CAB39L: variants seen among roughly 807,000 people sequenced by gnomAD.
CAB39L encodes the protein calcium binding protein 39 like, also known as calcium-binding protein 39-like.
Under a neutral mutation model 39.1 loss-of-function variants are expected in CAB39L, and 23 were observed. The ratio of observed to expected loss-of-function variants is 0.59; its 90% confidence interval spans 0.42 to 0.83. The LOEUF is 0.83. Among genes scored for constraint, CAB39L ranks in the 40% least tolerant of loss-of-function variants. CAB39L has a pLI of 0.00. For synonymous variants in CAB39L, 126 were observed against 137.2 expected (o/e 0.92, Z 0.57); for missense variants, 366 against 391.9 (o/e 0.93, Z 0.56).
chr13:49,355,098 A>G (rs1202003518), intron 6 of CAB39L, among the ~76,000 whole-genome samples: 1 of 152,110 alleles, frequency 6.6e-6, no homozygotes, highest in Non-Finnish European at 1.5e-5. Context: ...GAGTTAGGCC[A>G]GGCATAGTGG....
chr13:49,378,628 A>G (rs1434425384), intron 4 of CAB39L, among the ~76,000 whole-genome samples: 1 of 62,840 alleles, frequency 1.6e-5, no homozygotes, highest in Non-Finnish European at 3.1e-5. Context: ...CCCGTCCGGG[A>G]GGTGAGGGGC....
At position 49,313,840 on chromosome 13, in the gene CAB39L, T is replaced by C. The variant is rs796882361; in HGVS notation, c.835-2847A>G. 2.6e-5 allele frequency among the ~76,000 whole-genome samples: 4 copies of C among 152,116 alleles called. No homozygotes were observed. The East Asian group carries it at 5.8e-4, about 22-fold the overall frequency. ...GCCCAACTCTACAGGGAACACACTA[T>C]GAAAGGGCTTAGTTATGGGGCAGTG... On this transcript the variant is annotated intron_variant, in intron 10 of 10. Transcript: ENST00000409308.
chr13:49,372,890 G>C (rs1312386982), intron 5 of CAB39L, among the ~76,000 whole-genome samples: 1 of 152,034 alleles, frequency 6.6e-6, no homozygotes, highest in East Asian at 1.9e-4. Context: ...AGCTAGGATG[G>C]TCTCGATCTC....
At position 49,371,190 on chromosome 13, in the gene CAB39L, T is replaced by C. The variant is rs111542246; in HGVS notation, c.276+5777A>G. 1.1e-3 allele frequency among the ~76,000 whole-genome samples: 51 copies of C among 45,770 alleles called. 1 individual carries two copies. The highest frequency in any genetic ancestry group is 2.1e-3 in the African/African-American group (22 of 10,386). 30.0% of individuals were successfully genotyped at this position (45,770 alleles called of 152,430 possible). On this transcript the variant is annotated intron_variant, in intron 5 of 10. Transcript: ENST00000409308. ...TTTTTTTTCTTTTTCTTTTTCTTTC[T>C]TTTTTTTTTTTTTTGAGATGGAGTT... is the stretch of plus-strand genomic sequence containing the variant.
chr13:49,442,583 G>A (rs1957545513), intron 1 of CAB39L, among the ~76,000 whole-genome samples: 1 of 151,946 alleles, frequency 6.6e-6, no homozygotes, highest in South Asian at 2.1e-4. Flanking sequence ...TCTAAAGTCA[G>A]GAGTTCAAGA....
intron 3 of CAB39L, among the ~76,000 whole-genome samples, chr13:49,389,539 G>GA (rs143081598): frequency 0.015 from 2,358 of 152,172 alleles, 69 homozygotes; most frequent in African/African-American, 0.053. Context: ...TACTCAAGAG[G>GA]CTGAGGCATG....
chr13:49,354,156 C>A (rs1022273729), intron 6 of CAB39L, among the ~76,000 whole-genome samples: 1 of 152,182 alleles, frequency 6.6e-6, no homozygotes, highest in Non-Finnish European at 1.5e-5. Flanking sequence ...ATCTGTGATG[C>A]ACTGACAGTT....
Position 49,350,845 on chromosome 13 carries a change from G to C in CAB39L, c.463C>G (p.Leu155Val). 1.9e-6 allele frequency: 3 copies of C among 1,612,684 alleles called. No homozygotes were observed. The highest frequency in any genetic ancestry group is 2.5e-6 in the Non-Finnish European group (3 of 1,179,268). Residue 155 changes from leucine to valine, a missense_variant, in exon 7 of 11, where the codon CTT becomes GTT. Transcript: ENST00000409308. Reference protein sequence around the residue: ...MLRECIRHEPLAKIILFSNQF... With the variant: ...MLRECIRHEPVAKIILFSNQF... Reference sequence around the variant, plus strand: ...TTAGAAAAGAGGATGATTTTGGCAAGTGGTTCATGTCGAATACATTCTCTC... The same window carrying C: ...TTAGAAAAGAGGATGATTTTGGCAACTGGTTCATGTCGAATACATTCTCTC...
intron 5 of CAB39L, among the ~76,000 whole-genome samples, chr13:49,370,127 G>C (rs1387452225): frequency 1.3e-5 from 2 of 152,034 alleles, no homozygotes; most frequent in Admixed American, 1.3e-4. Context: ...CAGTCTACCG[G>C]GTGAGGGGTA....
intron 6 of CAB39L, among the ~76,000 whole-genome samples, chr13:49,357,590 T>C (rs977525786): frequency 1.3e-5 from 2 of 152,192 alleles, no homozygotes; most frequent in Non-Finnish European, 2.9e-5. Flanking sequence ...TTCTAAAATG[T>C]TTTAGTTTTT....
intron 1 of CAB39L, among the ~76,000 whole-genome samples, chr13:49,436,426 T>G (rs1453223995): frequency 6.6e-6 from 1 of 152,122 alleles, no homozygotes; most frequent in African/African-American, 2.4e-5. Context: ...TTTCTATTAC[T>G]TTTTAACCTT....
chr13:49,433,670 C>T (rs1019352802), intron 2 of CAB39L, among the ~76,000 whole-genome samples: 32 of 152,116 alleles, frequency 2.1e-4, no homozygotes, highest in African/African-American at 7.7e-4. Flanking sequence ...CGCTCTAGTA[C>T]CTCTGAAATC....
intron 1 of CAB39L, among the ~76,000 whole-genome samples, chr13:49,439,549 G>A (rs1957470504): frequency 2.0e-5 from 3 of 152,180 alleles, no homozygotes. Context: ...GCACTATGAT[G>A]AACATATGAG....
intron 3 of CAB39L, among the ~76,000 whole-genome samples, chr13:49,383,367 AAG>A (rs1422594264): frequency 1.3e-5 from 2 of 152,202 alleles, no homozygotes; most frequent in East Asian, 3.8e-4. Flanking sequence ...TATTTCACAA[AAG>A]AGAAAGGCAC....
intron 8 of CAB39L, among the ~76,000 whole-genome samples, chr13:49,343,570 G>C (rs1338054654): frequency 6.6e-6 from 1 of 150,522 alleles, no homozygotes. Context: ...GAGGGAGCCA[G>C]AGAGAGAGAG....
At chr13:49,339,522 TAC>T (rs1401321539) in intron 9 of CAB39L, among the ~76,000 whole-genome samples, 153 bp downstream of exon 9, 1 of 152,224 alleles carries the variant, frequency 6.6e-6, no homozygotes, top group East Asian at 1.9e-4. Context: ...TGCTATAAAA[TAC>T]AGTCATAACA....
intron 1 of CAB39L, among the ~76,000 whole-genome samples, chr13:49,442,419 T>C (rs113712450): frequency 0.02 from 3,082 of 152,278 alleles, 118 homozygotes; most frequent in African/African-American, 0.068. Flanking sequence ...GAACTTTTGT[T>C]TCTCCATGCA....
chr13:49,394,593 T>A (rs74072572), intron 3 of CAB39L, among the ~76,000 whole-genome samples: 101 of 152,264 alleles, frequency 6.6e-4, no homozygotes, highest in African/African-American at 2.3e-3. Flanking sequence ...TTTACTGCAA[T>A]TTTTTATCAT....
chr13:49,440,750 G>T (rs1228600210), intron 1 of CAB39L, among the ~76,000 whole-genome samples: 1 of 142,176 alleles, frequency 7.0e-6, no homozygotes, highest in Non-Finnish European at 1.5e-5. Flanking sequence ...GTGTGTGTGT[G>T]TGTGTGTGTA....
Sources: gnomAD v4.1 joint callset for allele counts (sites outside exome capture counted in the v4.1 genomes callset) on GRCh38, gnomAD v4.1.1 for gene constraint, MANE v1.5 for transcripts, NCBI Gene and HGNC (gene_info 2026-07-23, HGNC 2026-07-21) for gene names.